SLC35B3: variants seen among roughly 807,000 people sequenced by gnomAD.
SLC35B3 encodes the protein solute carrier family 35 member B3.
A neutral mutation model predicts 44.1 loss-of-function variants in SLC35B3; 35 were observed. That is an observed-to-expected ratio of 0.79 (90% CI 0.61 to 1.05). The LOEUF is 1.05. Ranked by LOEUF, SLC35B3 falls within the 50% of genes least tolerant of loss-of-function variation. The probability of loss-of-function intolerance (pLI) is 0.00; values close to 1 mark genes in which losing one functional copy is unlikely to be tolerated. For synonymous variants in SLC35B3, 146 were observed against 167.3 expected, an observed-to-expected ratio of 0.87 and a Z score of 0.98; for missense variants, 414 against 476.4, an observed-to-expected ratio of 0.87 and a Z score of 1.22.
At chr6:8,418,470 AAC>A (rs35180249) in intron 7 of SLC35B3, among the ~76,000 whole-genome samples, 74,638 of 148,120 alleles carry the variant, frequency 0.5, 19,776 homozygotes, top group African/African-American at 0.7. Context: ...AATTAATGTA[AAC>A]ACACACACAC....
chr6:8,417,704 G>A (rs545244841), intron 7 of SLC35B3, among the ~76,000 whole-genome samples: 1 of 151,920 alleles, frequency 6.6e-6, no homozygotes, highest in East Asian at 1.9e-4. Context: ...ATAACACCTA[G>A]TAATATTAAT....
At chr6:8,429,334 C>CA (rs1236731003) in intron 3 of SLC35B3, among the ~76,000 whole-genome samples, 7 of 151,632 alleles carry the variant, frequency 4.6e-5, no homozygotes, top group African/African-American at 1.7e-4. Flanking sequence ...TTTGTGCCAG[C>CA]AAAAAATCAC....
rs541681710 is a variant in SLC35B3 at position 8,428,998 on chromosome 6, C to T, written c.297+866G>A. Among the ~76,000 whole-genome samples, 219 of 152,160 alleles carry T rather than the reference C, an allele frequency of 1.4e-3. 2 individuals carry two copies. Among genetic ancestry groups the T allele is most frequent in the African/African-American group, 5.0e-3 (207 of 41,526 alleles). The stretch of plus-strand genomic sequence containing the variant: ...ACATTTCCCTTGATGATCATCTCTA[C>T]AAGACAATGAAAAAGAATACAACAA... On this transcript the variant is annotated intron_variant, in intron 3 of 10. Coordinates refer to ENST00000644923, the MANE Select transcript of SLC35B3 (RefSeq NM_001370476.2).
In SLC35B3 at chr6:8,432,052, A is replaced by C. The variant is rs1055037099; in HGVS notation, c.4-1895T>G. 1.3e-5 allele frequency among the ~76,000 whole-genome samples: 2 copies of C among 152,054 alleles called. No homozygotes were observed. Among genetic ancestry groups the C allele is most frequent in the Admixed American group, 6.6e-5 (1 of 15,264 alleles). ...TTGTGACACCATCACTAATCCCCCCAGTTATTAGAAAAGAGAACTTGAAAG... is the reference window on the plus strand; with the variant it reads ...TTGTGACACCATCACTAATCCCCCCCGTTATTAGAAAAGAGAACTTGAAAG... On this transcript the variant is annotated intron_variant, in intron 2 of 10. Coordinates refer to ENST00000644923, the MANE Select transcript of SLC35B3 (RefSeq NM_001370476.2). This position sits in a 1 kb window ranked among gnomAD's most constrained non-coding sequence, Gnocchi z 4.8.
chr6:8,417,565 C>A, intron 7 of SLC35B3, 71 bp from the exon 7 acceptor site: 1 of 818,016 alleles, frequency 1.2e-6, no homozygotes, highest in Non-Finnish European at 1.9e-6. Context: ...GGTTTTAACT[C>A]TATGGCTCAA....
chr6:8,429,827 A>G (rs752260686), intron 3 of SLC35B3, 37 bp downstream of exon 2: 1 of 1,394,854 alleles, frequency 7.2e-7, no homozygotes, highest in Non-Finnish European at 9.8e-7. Flanking sequence ...CAATTATTAT[A>G]AATAATTAAC....
rs768201981 is a variant in SLC35B3, at chr6:8,428,003, A to G, written c.353T>C (p.Val118Ala). 8.1e-6 allele frequency: 13 copies of G among 1,612,248 alleles called. No homozygotes were observed. The highest frequency in any genetic ancestry group is 2.7e-5 in the African/African-American group (2 of 75,002). ...AAATATGGAGTAAAAGGCAAACTGCACTAAGGTAAGGTACCAGCCACAGGA... is the reference window on the plus strand; with the variant it reads ...AAATATGGAGTAAAAGGCAAACTGCGCTAAGGTAAGGTACCAGCCACAGGA... Residue 118 changes from valine to alanine, a missense_variant, in exon 4 of 11, where the codon GTG becomes GCG. Val to Ala is a moderately conservative substitution (Grantham distance 64). Transcript: ENST00000644923.
chr6:8,429,905 C>T lies in SLC35B3; in HGVS notation c.256G>A (p.Ala86Thr). The change falls in exon 3 of 11, where the codon GCT (alanine) becomes ACT (threonine). Residue 86 changes from alanine to threonine, a missense_variant. Coordinates refer to ENST00000644923, the MANE Select transcript of SLC35B3 (RefSeq NM_001370476.2). ...ATTAGGTAAAATACAAAAACTCCAG[C>T]AACACATATGAAAAACTGAGTAAGT... 1 of 1,606,646 alleles carries T rather than the reference C, an allele frequency of 6.2e-7. No homozygotes were observed. The highest frequency in any genetic ancestry group is 1.3e-5 in the African/African-American group (1 of 74,834).
At position 8,432,715 on chromosome 6, in the gene SLC35B3, T is replaced by C. The variant is rs1764110293; in HGVS notation, c.3+1670A>G. Among the ~76,000 whole-genome samples, 2 of 152,186 alleles carry C rather than the reference T, an allele frequency of 1.3e-5. No homozygotes were observed. The highest frequency in any genetic ancestry group is 2.4e-5 in the African/African-American group (1 of 41,452). Reference sequence around the variant, plus strand: ...AGGACTATATGAAATAAATGTAAAATTGCCTGGCATATGACAGTCCATAAG... The same window carrying C: ...AGGACTATATGAAATAAATGTAAAACTGCCTGGCATATGACAGTCCATAAG... On this transcript the variant is annotated intron_variant, in intron 2 of 10. Transcript: ENST00000644923. The surrounding 1 kb of genome is among the most constrained non-coding windows in gnomAD (Gnocchi z 4.8).
At position 8,414,000 on chromosome 6, in the gene SLC35B3, C is replaced by T. The variant is rs540113655; in HGVS notation, c.1056-301G>A. ...CAAAGTACAGTCCCCTACCAAAAGT[C>T]GTAAAAGTACACTTAAAGCTTTGGA... On this transcript the variant is annotated intron_variant, in intron 10 of 10. Coordinates refer to ENST00000644923, the MANE Select transcript of SLC35B3 (RefSeq NM_001370476.2). 3.0e-3 allele frequency among the ~76,000 whole-genome samples: 455 copies of T among 152,088 alleles called. 3 individuals carry two copies. The highest frequency in any genetic ancestry group is 0.01 in the African/African-American group (430 of 41,528).
chr6:8,430,306 C>A, intron 2 of SLC35B3, 149 bp from the exon 2 acceptor site: 1 of 683,082 alleles, frequency 1.5e-6, no homozygotes, highest in Non-Finnish European at 2.3e-6. Context: ...TCCAAATCAC[C>A]AAAAACAATA....
intron 5 of SLC35B3, among the ~76,000 whole-genome samples, chr6:8,421,418 G>A (rs751214786): frequency 1.3e-5 from 2 of 152,096 alleles, no homozygotes; most frequent in Non-Finnish European, 2.9e-5. Flanking sequence ...TAGGGATTGA[G>A]GTCAATTATT....
rs1307618967 is a variant in SLC35B3 at position 8,412,587 on chromosome 6, A to C, written c.*962T>G. On this transcript the variant is annotated 3_prime_UTR_variant, in exon 11 of 11. Coordinates refer to ENST00000644923, the MANE Select transcript of SLC35B3 (RefSeq NM_001370476.2). ...TTTTACTACCTTGCCTATATTCTACATAAAACTTAAAGCATGTCTTCTCTA... is the reference window on the plus strand; with the variant it reads ...TTTTACTACCTTGCCTATATTCTACCTAAAACTTAAAGCATGTCTTCTCTA... Among the ~76,000 whole-genome samples the C allele has an allele frequency of 6.6e-6, 1 of 152,174 alleles. No homozygotes were observed. The highest frequency in any genetic ancestry group is 1.5e-5 in the Non-Finnish European group (1 of 68,034).
At chr6:8,428,609 A>G (rs1044668892) in intron 3 of SLC35B3, among the ~76,000 whole-genome samples, 2 of 152,192 alleles carry the variant, frequency 1.3e-5, no homozygotes, top group Non-Finnish European at 2.9e-5. Context: ...AATTTAAAAA[A>G]CTTTGCATAA....
In SLC35B3 at chr6:8,427,157, G is replaced by A. The variant is rs140451631; in HGVS notation, c.419+780C>T. Reference sequence around the variant, plus strand: ...CGGTTCAGAAAATTTGCAACCTGACGATGCAGTAGAAAAGAAAAACCCATT... The same window carrying A: ...CGGTTCAGAAAATTTGCAACCTGACAATGCAGTAGAAAAGAAAAACCCATT... On this transcript the variant is annotated intron_variant, in intron 4 of 10. Coordinates refer to ENST00000644923, the MANE Select transcript of SLC35B3 (RefSeq NM_001370476.2). 5.3e-5 allele frequency among the ~76,000 whole-genome samples: 8 copies of A among 152,296 alleles called. No individual in the cohort carries two copies. The East Asian group carries it at 1.5e-3, about 29-fold the overall frequency.
rs1305811352 is a variant in SLC35B3, at chr6:8,434,046, A to G, written c.3+339T>C. On this transcript the variant is annotated intron_variant, in intron 2 of 10. Transcript: ENST00000644923. This position sits in a 1 kb window ranked among gnomAD's most constrained non-coding sequence, Gnocchi z 6.3. ...CAGTGAAACTAAAATATATATATAT[A>G]TATTTTAAAAATCACAGGTGTGTAT... 6.6e-6 allele frequency among the ~76,000 whole-genome samples: 1 copy of G among 150,956 alleles called. No individual in the cohort carries two copies. The highest frequency in any genetic ancestry group is 1.5e-5 in the Non-Finnish European group (1 of 67,836).
At position 8,429,921 on chromosome 6, in the gene SLC35B3, C is replaced by T; in HGVS notation, c.240G>A (p.Gln80=). The change falls in exon 3 of 11, where the codon CAG becomes CAA. Residue 80 remains glutamine, a synonymous_variant. Transcript: ENST00000644923. ...AAACTCCAGCAACACATATGAAAAA[C>T]TGAGTAAGTTTGTTAAACTTGCTGA... The T allele has an allele frequency of 6.2e-7, 1 of 1,609,878 alleles. No individual in the cohort carries two copies. The highest frequency in any genetic ancestry group is 1.3e-5 in the African/African-American group (1 of 74,886).
At position 8,434,308 on chromosome 6, in the gene SLC35B3, A is replaced by C. The variant is rs78779941; in HGVS notation, c.3+77T>G. On this transcript the variant is annotated intron_variant, in intron 2 of 10. Coordinates refer to ENST00000644923, the MANE Select transcript of SLC35B3 (RefSeq NM_001370476.2). This position sits in a 1 kb window ranked among gnomAD's most constrained non-coding sequence, Gnocchi z 6.3. ...GGTAGAATATGAAAAAAAAGTCATTACGGTGTCATTAACCTGAAAAAACGT... is the reference window on the plus strand; with the variant it reads ...GGTAGAATATGAAAAAAAAGTCATTCCGGTGTCATTAACCTGAAAAAACGT... The C allele has an allele frequency of 6.7e-3, 9,238 of 1,374,448 alleles. 404 individuals are homozygous for C. In the East Asian group the frequency reaches 0.089, roughly 13 times the overall value. The allele number at this position is 1,374,448 out of a possible 1,614,324, so 85.1% of individuals were successfully genotyped here. A position where few individuals can be genotyped will look rare whatever the true frequency, so the allele number is the denominator to read the frequency against.
At chr6:8,421,078 T>C (rs1215463551) in intron 5 of SLC35B3, among the ~76,000 whole-genome samples, 1 of 152,196 alleles carries the variant, frequency 6.6e-6, no homozygotes, top group Non-Finnish European at 1.5e-5. Context: ...ATACATACTT[T>C]GGCAAAAACT....
Sources: gnomAD v4.1 joint callset for allele counts (sites outside exome capture counted in the v4.1 genomes callset) on GRCh38, gnomAD v4.1.1 for gene constraint, Gnocchi (gnomAD v3.1) non-coding constraint, MANE v1.5 for transcripts, NCBI Gene and HGNC (gene_info 2026-07-23, HGNC 2026-07-21) for gene names.